The following TMEM40 variants were observed in gnomAD, a reference collection of about 807,000 sequenced individuals.
TMEM40 encodes transmembrane protein 40.
A neutral mutation model predicts 40.8 loss-of-function variants in TMEM40; 34 were observed. The observed-to-expected ratio is 0.83, with a 90% confidence interval of 0.63 to 1.11. The LOEUF (loss-of-function observed/expected upper bound fraction) is 1.11. TMEM40 is among the 50% of genes least tolerant of loss of function. TMEM40 has a pLI of 0.00. For synonymous variants in TMEM40, 106 were observed against 107.0 expected (o/e 0.99, Z 0.06); for missense variants, 296 against 280.2 (o/e 1.06, Z -0.40).
chr3:12,761,921 T>C (rs2061570523), upstream of TMEM40, among the ~76,000 whole-genome samples: 1 of 152,206 alleles, frequency 6.6e-6, no homozygotes, highest in Admixed American at 6.5e-5. Context: ...TAATAGATCA[T>C]TAATAATTTT....
intron 6 of TMEM40, 139 bp downstream of exon 6, chr3:12,738,414 C>G: frequency 9.1e-7 from 1 of 1,093,110 alleles, no homozygotes; most frequent in Non-Finnish European, 1.4e-6. Context: ...CTTGATGAGC[C>G]TAGGCTAAGT....
At chr3:12,757,441 C>T (rs1346214251) in intron 1 of TMEM40, among the ~76,000 whole-genome samples, 1 of 150,250 alleles carries the variant, frequency 6.7e-6, no homozygotes, top group East Asian at 2.0e-4. Context: ...TGCACTCCAG[C>T]CTGGGCAACA....
intron 5 of TMEM40, among the ~76,000 whole-genome samples, chr3:12,740,152 G>A (rs1162705413): frequency 5.3e-5 from 8 of 150,252 alleles, no homozygotes; most frequent in South Asian, 2.1e-4. Context: ...GGAGTGCAGC[G>A]GCATGATCTC....
chr3:12,755,205 T>TTCTCTCTC (rs1337585853), intron 1 of TMEM40, among the ~76,000 whole-genome samples: 5 of 83,230 alleles, frequency 6.0e-5, no homozygotes, highest in African/African-American at 3.3e-4. Context: ...CTTCCTTTCT[T>TTCTCTCTC]TCTTTCTTTC....
At chr3:12,758,505 C>G (rs2061545950) in intron 1 of TMEM40, among the ~76,000 whole-genome samples, 1 of 152,150 alleles carries the variant, frequency 6.6e-6, no homozygotes. Context: ...GTGGGGGGAG[C>G]TCTGAGAGGT....
rs144025674 is a variant in TMEM40, at chr3:12,736,687, C to G, written c.545-35G>C. On this transcript the variant is annotated intron_variant, in intron 9 of 11. Coordinates refer to ENST00000314124, the MANE Select transcript of TMEM40 (RefSeq NM_018306.4). The stretch of plus-strand genomic sequence containing the variant: ...CAGTGAGGGAGGGAATGGTCAGCCT[C>G]CAGGTCTTGACGCCCCTGCCCCCTG... The G allele has an allele frequency of 2.5e-6, 4 of 1,613,338 alleles. No homozygotes were observed. In the East Asian group the frequency reaches 8.9e-5, roughly 36 times the overall value.
chr3:12,748,689 TGAGGAGGAAGAG>T lies in TMEM40; in HGVS notation c.165_176del (p.Ser67_Ser70del). Reference sequence around the variant, plus strand: ...AGGAGGATGAAGAAGATGAGGAGGATGAGGAGGAAGAGGAGGAGGAGGAAGAAGACTTGTTTC... The same window carrying T: ...AGGAGGATGAAGAAGATGAGGAGGATGAGGAGGAGGAAGAAGACTTGTTTC... On this transcript the variant is annotated inframe_deletion, in exon 3 of 12. Coordinates refer to ENST00000314124, the MANE Select transcript of TMEM40 (RefSeq NM_018306.4). 6.2e-7 allele frequency: 1 copy of T among 1,612,836 alleles called. No individual in the cohort carries two copies.
At chr3:12,734,914 C>A in intron 11 of TMEM40, 121 bp from the exon 12 acceptor site, 1 of 1,159,658 alleles carries the variant, frequency 8.6e-7, no homozygotes, top group South Asian at 1.3e-5. Context: ...CCCCAGAAGC[C>A]ATGGGTCTCA....
intron 11 of TMEM40, among the ~76,000 whole-genome samples, chr3:12,735,082 G>A (rs994300474): frequency 6.6e-6 from 1 of 152,052 alleles, no homozygotes; most frequent in South Asian, 2.1e-4. Flanking sequence ...ATGTGCTTTC[G>A]CCCAGCCCAG....
In TMEM40 at chr3:12,736,790, A is replaced by C; in HGVS notation, c.518T>G (p.Leu173Trp). The C allele has an allele frequency of 6.2e-7, 1 of 1,614,114 alleles. No homozygotes were observed. The highest frequency in any genetic ancestry group is 8.5e-7 in the Non-Finnish European group (1 of 1,180,020). Residue 173 changes from leucine (L) to tryptophan (W), a missense_variant, in exon 9 of 12, where the codon TTG (leucine) becomes TGG (tryptophan). Coordinates refer to ENST00000314124, the MANE Select transcript of TMEM40 (RefSeq NM_018306.4). ...FVLLCFAIGA[L>W]LVCYHYYADW... ...TGCGTAATAGTGATAACACACCAGC[A>C]AGGCCCCGATGGCAAAGCACAGGAG... is the stretch of plus-strand genomic sequence containing the variant.
intron 1 of TMEM40, among the ~76,000 whole-genome samples, chr3:12,755,060 CTTCTTTCCTTCT>C (rs1306462614): frequency 1.5e-5 from 2 of 132,806 alleles, no homozygotes; most frequent in African/African-American, 2.9e-5. Flanking sequence ...CCTTTCCTTC[CTTCTTTCCTTCT>C]TTCTTTCCTC....
chr3:12,753,336 C>T (rs1162049346), intron 1 of TMEM40, among the ~76,000 whole-genome samples: 1 of 151,140 alleles, frequency 6.6e-6, no homozygotes, highest in African/African-American at 2.4e-5. Flanking sequence ...CCCACCTCAA[C>T]CTCCCGAGTA....
chr3:12,767,065 C>G (rs1024141988), intron 1 of TMEM40, among the ~76,000 whole-genome samples: 1 of 152,108 alleles, frequency 6.6e-6, no homozygotes, highest in South Asian at 2.1e-4. Context: ...AGAAAATATG[C>G]ACTTTCCTCC....
intron 3 of TMEM40, among the ~76,000 whole-genome samples, chr3:12,746,925 G>A (rs192696687): frequency 1.8e-4 from 27 of 152,166 alleles, no homozygotes; most frequent in African/African-American, 6.0e-4. Flanking sequence ...GAAACAAAAG[G>A]AGAGGCAACA....
At chr3:12,756,795 CTCTT>C (rs1196535763) in intron 1 of TMEM40, among the ~76,000 whole-genome samples, 1 of 151,874 alleles carries the variant, frequency 6.6e-6, no homozygotes, top group Non-Finnish European at 1.5e-5. Flanking sequence ...CTCTCTCTAT[CTCTT>C]TCTCTCTCTC....
chr3:12,755,089 C>T (rs2061509201), intron 1 of TMEM40, among the ~76,000 whole-genome samples: 1 of 140,998 alleles, frequency 7.1e-6, no homozygotes, highest in Non-Finnish European at 1.5e-5. Flanking sequence ...CCTCTCTCTT[C>T]CCTCCCTCCC....
rs1258019699 is a variant in TMEM40, at chr3:12,734,875, T to C, written c.683-82A>G. 5.3e-6 allele frequency: 8 copies of C among 1,503,128 alleles called. No individual in the cohort carries two copies. In the African/African-American group the frequency reaches 8.3e-5, roughly 16 times the overall value. The allele number at this position is 1,503,128 out of a possible 1,614,324, so 93.1% of individuals were successfully genotyped here. On this transcript the variant is annotated intron_variant, in intron 11 of 11. Coordinates refer to ENST00000314124, the MANE Select transcript of TMEM40 (RefSeq NM_018306.4). ...CCCACCATCACCTCAGATGCCCAAG[T>C]ACCCCTCACAGCTGGCATGATGTAG...
chr3:12,750,212 C>G lies in TMEM40; in HGVS notation c.-8-372G>C, dbSNP rs1332853785. ...CTGGTCTTGAACTCCTGGGCTCAAG[C>G]AATTCTCCTACCTTGGCCTCCCAAA... On this transcript the variant is annotated intron_variant, in intron 1 of 11. Coordinates refer to ENST00000314124, the MANE Select transcript of TMEM40 (RefSeq NM_018306.4). 2.0e-5 allele frequency among the ~76,000 whole-genome samples: 3 copies of G among 151,390 alleles called. 1 individual carries two copies. The highest frequency in any genetic ancestry group is 2.0e-4 in the Admixed American group (3 of 15,196).
chr3:12,751,743 G>A (rs1364600162), intron 1 of TMEM40, among the ~76,000 whole-genome samples: 1 of 152,186 alleles, frequency 6.6e-6, no homozygotes, highest in Non-Finnish European at 1.5e-5. Flanking sequence ...CGCAACAGGT[G>A]ACTAGTACAT....
Sources: allele counts gnomAD v4.1 joint callset (sites outside exome capture counted in the v4.1 genomes callset), GRCh38; gene constraint gnomAD v4.1.1; transcripts MANE v1.5; gene names NCBI Gene and HGNC (gene_info 2026-07-23, HGNC 2026-07-21).